Variants in TBC1D9 observed in about 807,000 individuals in gnomAD.
The protein encoded by TBC1D9 is TBC1 domain family member 9.
TBC1D9 carries 63 observed loss-of-function variants against 132.0 expected under a neutral mutation model. The ratio of observed to expected loss-of-function variants is 0.48; its 90% CI spans 0.39 to 0.59. The LOEUF is 0.59. Ranked by LOEUF, TBC1D9 falls within the 20% of genes least tolerant of loss-of-function variation. The pLI, the probability that TBC1D9 is intolerant of heterozygous loss-of-function variation, is 0.00. For synonymous variants in TBC1D9, 610 were observed against 609.9 expected (o/e 1.00, Z 0.00); for missense variants, 1,261 against 1,592.7 (o/e 0.79, Z 3.54).
intron 13 of TBC1D9, among the ~76,000 whole-genome samples, chr4:140,648,983 T>C (rs1481910254): frequency 2.0e-5 from 3 of 152,202 alleles, no homozygotes; most frequent in African/African-American, 7.2e-5. Context: ...TTTCTGTGAT[T>C]TACTTTATCC....
chr4:140,753,263 T>C (rs1470385039), intron 1 of TBC1D9, among the ~76,000 whole-genome samples: 1 of 152,138 alleles, frequency 6.6e-6, no homozygotes, highest in Non-Finnish European at 1.5e-5. Flanking sequence ...ATTCTTTTTT[T>C]TTTTTCCTTT....
chr4:140,661,983 G>T lies in TBC1D9; in HGVS notation c.1713C>A (p.His571Gln). Residue 571 changes from histidine to glutamine, a missense_variant, in exon 10 of 21, where the codon CAC (histidine) becomes CAA (glutamine). Around this residue, in one of 3 missense-constraint regions of TBC1D9, gnomAD observed 93 missense variants for 169.2 expected, o/e 0.55. Transcript: ENST00000442267. ...TGCCCATTTCATTCTGAAAAGCTGG[G>T]TGTTCTGGAAGGGAGCGGTGTAAAT... ...ERDLHRSLPE[H>Q]PAFQNEMGIA... 2 of 1,613,966 alleles carry T rather than the reference G, an allele frequency of 1.2e-6. No homozygotes were observed. Among genetic ancestry groups the T allele is most frequent in the Non-Finnish European group, 1.7e-6 (2 of 1,179,890 alleles).
chr4:140,697,571 C>G (rs1203593929), intron 2 of TBC1D9, among the ~76,000 whole-genome samples: 3 of 152,216 alleles, frequency 2.0e-5, no homozygotes, highest in Admixed American at 6.5e-5. Context: ...GAAAAGAAAA[C>G]TATACATCTC....
At chr4:140,732,059 T>C (rs1264003863) in intron 1 of TBC1D9, among the ~76,000 whole-genome samples, 2 of 152,212 alleles carry the variant, frequency 1.3e-5, no homozygotes, top group African/African-American at 4.8e-5. Context: ...AATGCCCACA[T>C]AGGCCCTACT....
intron 10 of TBC1D9, among the ~76,000 whole-genome samples, chr4:140,660,323 T>A (rs1247187074): frequency 6.6e-6 from 1 of 152,222 alleles, no homozygotes; most frequent in Non-Finnish European, 1.5e-5. Context: ...ACTACTTTAA[T>A]AGTCTTCTTA....
chr4:140,640,821 C>A (rs1041007989), intron 13 of TBC1D9, among the ~76,000 whole-genome samples: 1 of 149,058 alleles, frequency 6.7e-6, no homozygotes, highest in Non-Finnish European at 1.5e-5. Flanking sequence ...CTGGCAGTAT[C>A]TACTGACTGA....
In TBC1D9 at chr4:140,733,444, C is replaced by T. The variant is rs190078654; in HGVS notation, c.130+22472G>A. On this transcript the variant is annotated intron_variant, in intron 1 of 20. Coordinates refer to ENST00000442267, the MANE Select transcript of TBC1D9 (RefSeq NM_015130.3). Reference sequence around the variant, plus strand: ...GTTTTCTACACCCTTCAGGTTTTTCCGGGACAAAAATTTGATTCTCTGTAA... The same window carrying T: ...GTTTTCTACACCCTTCAGGTTTTTCTGGGACAAAAATTTGATTCTCTGTAA... 2.6e-3 allele frequency among the ~76,000 whole-genome samples: 396 copies of T among 152,180 alleles called. 1 individual carries two copies. Among genetic ancestry groups the T allele is most frequent in the Non-Finnish European group, 4.7e-3 (318 of 67,990 alleles).
At chr4:140,742,332 G>C (rs1738771455) in intron 1 of TBC1D9, among the ~76,000 whole-genome samples, 1 of 151,946 alleles carries the variant, frequency 6.6e-6, no homozygotes, top group African/African-American at 2.4e-5. Flanking sequence ...AGGAGTTTGA[G>C]ACCAGCCTGG....
intron 1 of TBC1D9, among the ~76,000 whole-genome samples, chr4:140,751,473 CTG>C (rs1261562733): frequency 6.6e-6 from 1 of 152,128 alleles, no homozygotes; most frequent in Middle Eastern, 3.2e-3. Flanking sequence ...GGGGTTAAAA[CTG>C]TTACATTTCT....
At chr4:140,643,680 G>A in intron 13 of TBC1D9, 1 of 1,177,988 alleles carries the variant, frequency 8.5e-7, no homozygotes, top group Non-Finnish European at 1.2e-6. Flanking sequence ...CGTCTCGGGT[G>A]TCAGCTGCAC....
At chr4:140,690,555 G>A (rs1737861898) in intron 2 of TBC1D9, among the ~76,000 whole-genome samples, 1 of 152,018 alleles carries the variant, frequency 6.6e-6, no homozygotes, top group Non-Finnish European at 1.5e-5. Flanking sequence ...TGGCCTTTTG[G>A]AGTCATCGCC....
intron 12 of TBC1D9, 68 bp from the exon 13 acceptor site, chr4:140,657,294 C>A: frequency 6.5e-7 from 1 of 1,548,202 alleles, no homozygotes; most frequent in Non-Finnish European, 8.7e-7. Flanking sequence ...ATTCTCCAAT[C>A]ATTTTCTGCA....
At chr4:140,745,342 C>A (rs1197344628) in intron 1 of TBC1D9, among the ~76,000 whole-genome samples, 2 of 152,156 alleles carry the variant, frequency 1.3e-5, no homozygotes, top group African/African-American at 2.4e-5. Flanking sequence ...TAGGAGCTAA[C>A]ATAAATTTTA....
chr4:140,651,938 C>T (rs1247991269), intron 13 of TBC1D9, among the ~76,000 whole-genome samples: 2 of 152,280 alleles, frequency 1.3e-5, no homozygotes, highest in Admixed American at 6.5e-5. Flanking sequence ...CTTATACAAT[C>T]TTAAATAAAG....
intron 1 of TBC1D9, among the ~76,000 whole-genome samples, chr4:140,747,501 G>A (rs555008181): frequency 7.0e-4 from 106 of 152,182 alleles, no homozygotes; most frequent in African/African-American, 2.5e-3. Context: ...TGTCAGATAA[G>A]ATAATCTATA....
At chr4:140,638,996 T>C (rs747304985) in intron 15 of TBC1D9, 90 bp downstream of exon 15, 1 of 928,902 alleles carries the variant, frequency 1.1e-6, no homozygotes, top group Non-Finnish European at 1.6e-6. Flanking sequence ...TATTATCCCT[T>C]AATTTAACAG....
intron 13 of TBC1D9, among the ~76,000 whole-genome samples, chr4:140,640,575 A>T (rs1270873400): frequency 6.6e-6 from 1 of 152,108 alleles, no homozygotes; most frequent in Non-Finnish European, 1.5e-5. Flanking sequence ...TCTTGCAGCT[A>T]TCTGTCTAGG....
At chr4:140,720,337 C>T (rs1013859461) in intron 1 of TBC1D9, among the ~76,000 whole-genome samples, 2 of 152,164 alleles carry the variant, frequency 1.3e-5, no homozygotes, top group African/African-American at 4.8e-5. Flanking sequence ...ACCACTCTAA[C>T]AACAGTGTGT....
intron 1 of TBC1D9, among the ~76,000 whole-genome samples, chr4:140,752,367 A>T (rs1738939489): frequency 2.6e-5 from 4 of 152,240 alleles, no homozygotes; most frequent in Admixed American, 2.6e-4. Flanking sequence ...GCTTAAAAAA[A>T]AAAGCAAAAC....
Sources: allele counts gnomAD v4.1 joint callset (sites outside exome capture counted in the v4.1 genomes callset), GRCh38; gene constraint gnomAD v4.1.1; regional missense constraint gnomAD v4.1.1; transcripts MANE v1.5; gene names NCBI Gene and HGNC (gene_info 2026-07-23, HGNC 2026-07-21).